SLC1A2: variants seen among roughly 807,000 people sequenced by gnomAD.
SLC1A2 encodes the protein solute carrier family 1 member 2.
In SLC1A2, 15 loss-of-function variants were observed where a neutral mutation model predicts 48.8. The observed-to-expected ratio is 0.31, with a 90% CI of 0.21 to 0.47. The LOEUF (loss-of-function observed/expected upper bound fraction) is 0.47. Ranked by LOEUF, SLC1A2 falls within the 20% of genes least tolerant of loss-of-function variation. The pLI, the probability that SLC1A2 is intolerant of heterozygous loss-of-function variation, is 0.99. For synonymous variants in SLC1A2, 279 were observed against 272.6 expected (o/e 1.02, Z -0.23); for missense variants, 502 against 730.5 (o/e 0.69, Z 3.61).
rs138932022 is a variant in SLC1A2 at position 35,341,163 on chromosome 11, G to T, written c.18-23647C>A. ...TTAGAGCAGCCTCTGGAAGGTTCAG[G>T]TTCGCCCCGAAGTGCTACATATTAA... On this transcript the variant is annotated intron_variant, in intron 1 of 10. Transcript: ENST00000278379. Among the ~76,000 whole-genome samples the T allele has an allele frequency of 3.8e-3, 572 of 152,280 alleles. 4 individuals carry two copies. Among genetic ancestry groups the T allele is most frequent in the African/African-American group, 0.013 (553 of 41,548 alleles).
At position 35,255,936 on chromosome 11, in the gene SLC1A2, T is replaced by C. The variant is rs1346174546; in HGVS notation, c.*4958A>G. 2 of 152,198 alleles carry C rather than the reference T, an allele frequency of 1.3e-5. No homozygotes were observed. The highest frequency in any genetic ancestry group is 2.9e-5 in the Non-Finnish European group (2 of 68,038). 9.4% of individuals were successfully genotyped at this position (152,198 alleles called of 1,614,324 possible). On this transcript the variant is annotated 3_prime_UTR_variant, in exon 11 of 11. Transcript: ENST00000278379. ...CCAAAGGAGATGAGAAAAATCTAAA[T>C]TGATTATTCATTATTGTGGGCTACT...
chr11:35,302,474 ATCAGCCTTTGGGG>A (rs1262148998), intron 5 of SLC1A2, among the ~76,000 whole-genome samples: 1 of 152,136 alleles, frequency 6.6e-6, no homozygotes, highest in Non-Finnish European at 1.5e-5. Context: ...CCAGCCTCAC[ATCAGCCTTTGGGG>A]TCAATCCTAA....
intron 1 of SLC1A2, among the ~76,000 whole-genome samples, chr11:35,373,773 C>G (rs1854135207): frequency 6.6e-6 from 1 of 152,194 alleles, no homozygotes; most frequent in African/African-American, 2.4e-5. Context: ...CAATGATTAA[C>G]ACAGCATCCC....
intron 1 of SLC1A2, among the ~76,000 whole-genome samples, chr11:35,392,874 CA>C (rs957005718): frequency 2.0e-5 from 3 of 152,156 alleles, no homozygotes; most frequent in South Asian, 2.1e-4. Context: ...TTAGGTGTTT[CA>C]GGGGGGTATT....
intron 4 of SLC1A2, 120 bp downstream of exon 4, chr11:35,312,078 C>T: frequency 9.8e-7 from 1 of 1,016,690 alleles, no homozygotes; most frequent in Middle Eastern, 2.9e-4. Flanking sequence ...TGGGCCTAGA[C>T]AGAGATAATT....
Position 35,258,943 on chromosome 11 carries a change from T to TAAAAAA in SLC1A2, c.*1945_*1950dup, listed in dbSNP as rs72148859. On this transcript the variant is annotated 3_prime_UTR_variant, in exon 11 of 11. Transcript: ENST00000278379. ...CTGAGCAACAGAGCAAGACTCTGTC[T>TAAAAAA]AAAAAAAAAAAAAAAAAAAGAATGC... is the stretch of plus-strand genomic sequence containing the variant. The TAAAAAA allele has an allele frequency of 1.7e-5, 2 of 120,856 alleles. No individual in the cohort carries two copies. Among genetic ancestry groups the TAAAAAA allele is most frequent in the Non-Finnish European group, 3.6e-5 (2 of 56,218 alleles). The allele number at this position is 120,856 out of a possible 1,614,324, so 7.5% of individuals were successfully genotyped here.
rs964012685 is a variant in SLC1A2 at position 35,254,773 on chromosome 11, T to C, written c.*6121A>G. 6.6e-6 allele frequency: 3 copies of C among 456,028 alleles called. No individual in the cohort carries two copies. Among genetic ancestry groups the C allele is most frequent in the South Asian group, 1.5e-5 (1 of 64,558 alleles). 28.2% of individuals were successfully genotyped at this position (456,028 alleles called of 1,614,324 possible). A position where few individuals can be genotyped will look rare whatever the true frequency, so the allele number is the denominator to read the frequency against. ...GACTCTACAAAGCAGTGAGGTCTGT[T>C]CCAATAGCTGGTTTTATTCTCAGCA... On this transcript the variant is annotated 3_prime_UTR_variant, in exon 11 of 11. Coordinates refer to ENST00000278379, the MANE Select transcript of SLC1A2 (RefSeq NM_004171.4).
intron 8 of SLC1A2, among the ~76,000 whole-genome samples, chr11:35,283,678 G>A (rs766084474): frequency 1.3e-5 from 2 of 152,130 alleles, no homozygotes; most frequent in Non-Finnish European, 2.9e-5. Flanking sequence ...CGAGATACCA[G>A]AAATTACCTT....
intron 1 of SLC1A2, among the ~76,000 whole-genome samples, chr11:35,346,462 A>T (rs1853039341): frequency 6.6e-6 from 1 of 152,340 alleles, no homozygotes; most frequent in Non-Finnish European, 1.5e-5. Flanking sequence ...TGTGCTGAGC[A>T]TCTGGCATAC....
intron 6 of SLC1A2, among the ~76,000 whole-genome samples, chr11:35,301,119 G>A (rs1851341772): frequency 6.6e-6 from 1 of 152,120 alleles, no homozygotes; most frequent in Non-Finnish European, 1.5e-5. Context: ...CCTGGAAAAG[G>A]CCCCTTATCA....
intron 7 of SLC1A2, among the ~76,000 whole-genome samples, chr11:35,291,003 T>C (rs1850983601): frequency 6.6e-6 from 1 of 152,200 alleles, no homozygotes; most frequent in Middle Eastern, 3.2e-3. Flanking sequence ...CCTGACTGAC[T>C]GCTCAGTAGC....
At chr11:35,261,635 T>C (rs1008636907) in intron 10 of SLC1A2, 2 of 398,586 alleles carry the variant, frequency 5.0e-6, no homozygotes, top group Non-Finnish European at 4.4e-6. Flanking sequence ...ATAGGAGGTT[T>C]TCCCCTCCAC....
At chr11:35,384,383 C>G (rs1322350346) in intron 1 of SLC1A2, among the ~76,000 whole-genome samples, 1 of 152,166 alleles carries the variant, frequency 6.6e-6, no homozygotes, top group East Asian at 1.9e-4. Flanking sequence ...TGTCTGAGTT[C>G]TGATTTCATC....
intron 3 of SLC1A2, 42 bp downstream of exon 3, chr11:35,314,981 A>T: frequency 6.8e-7 from 1 of 1,469,754 alleles, no homozygotes; most frequent in Non-Finnish European, 9.5e-7. Context: ...CCAGGGCAGG[A>T]GTATGACCCA....
Position 35,259,930 on chromosome 11 carries a change from G to C in SLC1A2, c.*964C>G, listed in dbSNP as rs994447827. 1 of 152,252 alleles carries C rather than the reference G, an allele frequency of 6.6e-6. No individual in the cohort carries two copies. The highest frequency in any genetic ancestry group is 2.4e-5 in the African/African-American group (1 of 41,464). The allele number at this position is 152,252 out of a possible 1,614,324, so 9.4% of individuals were successfully genotyped here. A position where few individuals can be genotyped will look rare whatever the true frequency, so the allele number is the denominator to read the frequency against. On this transcript the variant is annotated 3_prime_UTR_variant, in exon 11 of 11. Transcript: ENST00000278379. ...ACCAGGCTTTCTAGGACGATGAGAT[G>C]ATGACTGAAATAATTGACAGATTAA...
At chr11:35,306,368 C>G in intron 4 of SLC1A2, 126 bp from the exon 5 acceptor site, 1 of 648,058 alleles carries the variant, frequency 1.5e-6, no homozygotes, top group East Asian at 2.8e-5. Context: ...AATGCCAAAA[C>G]AAGGTTATGA....
intron 1 of SLC1A2, among the ~76,000 whole-genome samples, chr11:35,403,320 A>G (rs1403672149): frequency 6.6e-6 from 1 of 152,248 alleles, no homozygotes; most frequent in Non-Finnish European, 1.5e-5. Flanking sequence ...AGTATAAAAC[A>G]CGTCTTCTTA....
At chr11:35,385,880 A>G (rs1215839616) in intron 1 of SLC1A2, among the ~76,000 whole-genome samples, 1 of 152,196 alleles carries the variant, frequency 6.6e-6, no homozygotes, top group Non-Finnish European at 1.5e-5. Context: ...AAAAATAATG[A>G]CAGTTGGCCC....
At chr11:35,364,452 A>G (rs971158289) in intron 1 of SLC1A2, among the ~76,000 whole-genome samples, 8 of 152,260 alleles carry the variant, frequency 5.3e-5, no homozygotes, top group Non-Finnish European at 8.8e-5. Flanking sequence ...TCATTTACCC[A>G]GTAGTAGCTA....
Sources: allele counts gnomAD v4.1 joint callset (sites outside exome capture counted in the v4.1 genomes callset), GRCh38; gene constraint gnomAD v4.1.1; transcripts MANE v1.5; gene names NCBI Gene and HGNC (gene_info 2026-07-23, HGNC 2026-07-21).